TSEN15: variants seen among roughly 807,000 people sequenced by gnomAD.
The protein encoded by TSEN15 is tRNA splicing endonuclease subunit 15.
Under a neutral mutation model 20.5 loss-of-function variants are expected in TSEN15, and 10 were observed. The observed-to-expected ratio is 0.49, with a 90% CI of 0.30 to 0.83. The LOEUF is 0.83. TSEN15 is among the 40% of genes least tolerant of loss of function. The pLI is 0.06. For missense variants in TSEN15, 180 were observed against 218.6 expected, an observed-to-expected ratio of 0.82 and a Z score of 1.11; for synonymous variants, 72 against 80.1, an observed-to-expected ratio of 0.90 and a Z score of 0.54.
intron 3 of TSEN15, among the ~76,000 whole-genome samples, chr1:184,083,904 T>C (rs974877775): frequency 2.0e-5 from 3 of 152,142 alleles, no homozygotes; most frequent in Non-Finnish European, 4.4e-5. Flanking sequence ...CTCACGCTCA[T>C]CACCCTCTTC....
downstream of TSEN15, among the ~76,000 whole-genome samples, chr1:184,077,378 T>C (rs1260270549): frequency 6.6e-6 from 1 of 152,166 alleles, no homozygotes; most frequent in African/African-American, 2.4e-5. Context: ...AAGATTTCTT[T>C]CAAAATATTA....
At chr1:184,092,078 G>T (rs1242957107) in intron 3 of TSEN15, among the ~76,000 whole-genome samples, 1 of 152,196 alleles carries the variant, frequency 6.6e-6, no homozygotes, top group African/African-American at 2.4e-5. Flanking sequence ...TATTTAAAAG[G>T]CATGCCCAGT....
chr1:184,072,050 G>C, intron 3 of TSEN15, 107 bp from the exon 4 acceptor site: 1 of 1,085,722 alleles, frequency 9.2e-7, no homozygotes, highest in Non-Finnish European at 1.3e-6. Context: ...TTTTACTTCA[G>C]TTTGGTTTCT....
intron 1 of TSEN15, among the ~76,000 whole-genome samples, chr1:184,053,959 A>T (rs1650149704): frequency 6.6e-6 from 1 of 152,194 alleles, no homozygotes; most frequent in South Asian, 2.1e-4. Flanking sequence ...ACCTTTGTGT[A>T]ATTACCTGCA....
At chr1:184,061,359 T>C (rs1304055103) in intron 3 of TSEN15, among the ~76,000 whole-genome samples, 2 of 152,124 alleles carry the variant, frequency 1.3e-5, no homozygotes, top group East Asian at 3.8e-4. Context: ...ATAACATTTT[T>C]ATTAGTAGGA....
At chr1:184,097,115 T>TAA (rs1651468369) in exon 4 of TSEN15, 1 of 152,172 alleles carries the variant, frequency 6.6e-6, no homozygotes, top group Non-Finnish European at 1.5e-5. Context: ...GAAATGGTCC[T>TAA]AAAATGTATT....
At chr1:184,069,167 A>G (rs1277011904) in intron 3 of TSEN15, among the ~76,000 whole-genome samples, 2 of 152,176 alleles carry the variant, frequency 1.3e-5, no homozygotes, top group Non-Finnish European at 1.5e-5. Flanking sequence ...ACTTTTTTTC[A>G]GTACACAGAG....
At chr1:184,095,569 G>C in intron 3 of TSEN15, 2 of 394,488 alleles carry the variant, frequency 5.1e-6, no homozygotes, top group Admixed American at 8.8e-5. Context: ...AATCCAACAG[G>C]ACTAATATTC....
At chr1:184,094,881 G>C in intron 3 of TSEN15, 1 of 395,908 alleles carries the variant, frequency 2.5e-6, no homozygotes, top group East Asian at 3.6e-5. Context: ...TGAAGAGTCT[G>C]GGTGAACTGG....
At chr1:184,082,515 A>C (rs2102901647) in intron 3 of TSEN15, among the ~76,000 whole-genome samples, 1 of 152,172 alleles carries the variant, frequency 6.6e-6, no homozygotes, top group African/African-American at 2.4e-5. Flanking sequence ...TAGGGGGTAT[A>C]GGGTAGGAGT....
downstream of TSEN15, among the ~76,000 whole-genome samples, chr1:184,077,354 A>G (rs985111630): frequency 1.3e-5 from 2 of 152,130 alleles, no homozygotes; most frequent in Admixed American, 1.3e-4. Flanking sequence ...ATTGAGACCT[A>G]CTGCTCAGAA....
Position 184,054,436 on chromosome 1 carries a change from G to A in TSEN15, c.217+1G>A. The stretch of plus-strand genomic sequence containing the variant: ...TTGGTTTACCTGGACCTCATGGAAA[G>A]TAAGTTGTTTGTTTATATTGTTTTG... On this transcript the variant is annotated splice_donor_variant, in intron 2 of 4. Coordinates refer to ENST00000645668, the MANE Select transcript of TSEN15 (RefSeq NM_052965.4). LOFTEE classifies it high-confidence loss of function. 6.2e-7 allele frequency: 1 copy of A among 1,606,740 alleles called. No individual in the cohort carries two copies. Among genetic ancestry groups the A allele is most frequent in the South Asian group, 1.1e-5 (1 of 90,650 alleles).
chr1:184,095,954 A>G (rs1651442240), exon 4 of TSEN15: 1 of 384,948 alleles, frequency 2.6e-6, no homozygotes, highest in African/African-American at 2.1e-5. Context: ...AATACCATAT[A>G]AATAATTATT....
intron 1 of TSEN15, among the ~76,000 whole-genome samples, chr1:184,053,144 G>A (rs1650115929): frequency 6.6e-6 from 1 of 152,068 alleles, no homozygotes; most frequent in Admixed American, 6.5e-5. Flanking sequence ...TCTTTTTCAA[G>A]TTAATGGCTG....
At chr1:184,054,941 T>G (rs1358566016) in intron 3 of TSEN15, 78 bp downstream of exon 3, 8 of 1,468,080 alleles carry the variant, frequency 5.4e-6, no homozygotes, top group Admixed American at 2.4e-5. Flanking sequence ...TGTAATACTT[T>G]TAATGAAATT....
chr1:184,060,963 C>G lies in TSEN15; in HGVS notation c.353+6100C>G, dbSNP rs191513556. On this transcript the variant is annotated intron_variant, in intron 3 of 4. Coordinates refer to ENST00000645668, the MANE Select transcript of TSEN15 (RefSeq NM_052965.4). ...CAAGAAATAGAACTTTTCTAGGCAC[C>G]CCACAAACTTTTCAATGTGCCCCAT... 1.3e-3 allele frequency among the ~76,000 whole-genome samples: 198 copies of G among 152,172 alleles called. 1 individual carries two copies. The highest frequency in any genetic ancestry group is 4.6e-3 in the African/African-American group (190 of 41,538).
intron 3 of TSEN15, among the ~76,000 whole-genome samples, chr1:184,068,246 T>G (rs1157149222): frequency 6.6e-6 from 1 of 152,112 alleles, no homozygotes; most frequent in East Asian, 1.9e-4. Flanking sequence ...GATCCTCAAA[T>G]GCTACATACT....
intron 3 of TSEN15, among the ~76,000 whole-genome samples, chr1:184,084,481 T>C (rs939551165): frequency 1.3e-5 from 2 of 150,796 alleles, no homozygotes; most frequent in African/African-American, 4.9e-5. Context: ...TATCCATAAA[T>C]CCTTTTGATT....
At chr1:184,071,991 T>C in intron 3 of TSEN15, 166 bp from the exon 4 acceptor site, 1 of 558,594 alleles carries the variant, frequency 1.8e-6, no homozygotes, top group Non-Finnish European at 3.0e-6. Flanking sequence ...ACTTATTTGA[T>C]ACTATACCAG....
Sources: gnomAD v4.1 joint callset for allele counts (sites outside exome capture counted in the v4.1 genomes callset) on GRCh38, gnomAD v4.1.1 for gene constraint, MANE v1.5 for transcripts, NCBI Gene and HGNC (gene_info 2026-07-23, HGNC 2026-07-21) for gene names.